ANKRD17: variants seen among roughly 807,000 people sequenced by gnomAD.
The protein encoded by ANKRD17 is ankyrin repeat domain-containing protein 17.
ANKRD17 carries 19 observed loss-of-function variants against 229.7 expected under a neutral mutation model. That is an observed-to-expected ratio of 0.08 (90% confidence interval 0.06 to 0.12). The LOEUF (loss-of-function observed/expected upper bound fraction) is 0.12. Among genes scored for constraint, ANKRD17 ranks in the 10% least tolerant of loss-of-function variants. ANKRD17 has a pLI of 1.00. For missense variants in ANKRD17, 2,176 were observed against 3,176.8 expected (o/e 0.68, Z 7.57); for synonymous variants, 1,112 against 1,146.1 (o/e 0.97, Z 0.60).
At chr4:73,116,499 C>A (rs1725974186) in intron 22 of ANKRD17, among the ~76,000 whole-genome samples, 1 of 152,150 alleles carries the variant, frequency 6.6e-6, no homozygotes, top group Admixed American at 6.5e-5. Context: ...TTGTCTAGCC[C>A]ATACTGTTGC....
intron 25 of ANKRD17, among the ~76,000 whole-genome samples, chr4:73,100,231 TG>T (rs926724481): frequency 5.3e-5 from 8 of 152,152 alleles, no homozygotes; most frequent in African/African-American, 1.9e-4. Context: ...ATACTCTTTG[TG>T]GGGAAGAGGG....
chr4:73,215,916 A>G (rs1054763649), intron 1 of ANKRD17, among the ~76,000 whole-genome samples: 3 of 152,192 alleles, frequency 2.0e-5, no homozygotes, highest in South Asian at 2.1e-4. Context: ...ATGACAGCAG[A>G]TATGATGGGC....
chr4:73,120,696 T>C (rs1726613997), intron 20 of ANKRD17, among the ~76,000 whole-genome samples, 185 bp downstream of exon 20: 1 of 152,052 alleles, frequency 6.6e-6, no homozygotes, highest in African/African-American at 2.4e-5. Context: ...CCTATAAAAA[T>C]TTATCACTCA....
In ANKRD17 at chr4:73,092,110, C is replaced by T. The variant is rs750848883; in HGVS notation, c.5518G>A (p.Val1840Ile). The T allele has an allele frequency of 6.2e-6, 10 of 1,614,052 alleles. No homozygotes were observed. In the Admixed American group the frequency reaches 6.7e-5, roughly 11 times the overall value. The change falls in exon 29 of 34, where the codon GTA (valine) becomes ATA (isoleucine). Residue 1840 changes from valine (V) to isoleucine (I), a missense_variant. Coordinates refer to ENST00000358602, the MANE Select transcript of ANKRD17 (RefSeq NM_032217.5). ...GTTTGAGATGTTGATGACAGAGCTA[C>T]AGTTGTCATTTTAATTCCCATTAAG... Reference protein sequence around the residue: ...TSLMGIKMTTVALSSTSQTAT... With the variant: ...TSLMGIKMTTIALSSTSQTAT...
chr4:73,226,213 G>GA (rs1216843682), intron 1 of ANKRD17, among the ~76,000 whole-genome samples: 1 of 151,706 alleles, frequency 6.6e-6, no homozygotes, highest in African/African-American at 2.4e-5. Context: ...CTGACCTAGT[G>GA]ATCTGCCTGC....
chr4:73,189,505 T>C (rs1029171804), intron 1 of ANKRD17, among the ~76,000 whole-genome samples: 1 of 151,680 alleles, frequency 6.6e-6, no homozygotes, highest in Non-Finnish European at 1.5e-5. Context: ...CAAGCTATTT[T>C]CCCACCTCAG....
intron 22 of ANKRD17, among the ~76,000 whole-genome samples, chr4:73,118,357 A>G (rs1726259564): frequency 6.6e-6 from 1 of 152,074 alleles, no homozygotes. Context: ...ACACTCACTA[A>G]GAGTAACTAA....
intron 3 of ANKRD17, among the ~76,000 whole-genome samples, chr4:73,157,506 T>C (rs914339219): frequency 2.0e-5 from 3 of 152,312 alleles, no homozygotes; most frequent in Admixed American, 6.5e-5. Context: ...CACTTTCGTA[T>C]AAAATAATCC....
chr4:73,258,345 GCCGCCACCTCCGCCTCCA>G lies in ANKRD17; in HGVS notation c.306_323del (p.Gly105_Gly110del). ...CGCTGTTGTTACTGCTGGTGCCGCC[GCCGCCACCTCCGCCTCCA>G]CCGCCGCCTCCACCGCCGCCGCTGT... On this transcript the variant is annotated inframe_deletion, in exon 1 of 34. Transcript: ENST00000358602. 1 of 1,612,334 alleles carries G rather than the reference GCCGCCACCTCCGCCTCCA, an allele frequency of 6.2e-7. No individual in the cohort carries two copies. Among genetic ancestry groups the G allele is most frequent in the Non-Finnish European group, 8.5e-7 (1 of 1,179,510 alleles).
chr4:73,242,642 T>C (rs1388586371), intron 1 of ANKRD17, among the ~76,000 whole-genome samples: 1 of 152,194 alleles, frequency 6.6e-6, no homozygotes, highest in African/African-American at 2.4e-5. Context: ...CCAAAACTCT[T>C]GAGAAAGAAG....
chr4:73,086,133 T>C (rs1380221558), intron 29 of ANKRD17, among the ~76,000 whole-genome samples: 1 of 152,220 alleles, frequency 6.6e-6, no homozygotes, highest in Non-Finnish European at 1.5e-5. Flanking sequence ...ATTAATGTTT[T>C]AGTTAAAAAG....
intron 6 of ANKRD17, among the ~76,000 whole-genome samples, chr4:73,152,060 T>C (rs1283743027): frequency 6.6e-6 from 1 of 152,020 alleles, no homozygotes; most frequent in Non-Finnish European, 1.5e-5. Context: ...AATATAAACA[T>C]GTACACACAT....
chr4:73,146,756 T>C lies in ANKRD17; in HGVS notation c.1869+8A>G, dbSNP rs746579420. ...AAATATTAAGATTTAAAAAGTAACA[T>C]AGCTTACCAGATCTGCGCCTGCCTG... is the stretch of plus-strand genomic sequence containing the variant. On this transcript the variant is annotated splice_region_variant and intron_variant, in intron 10 of 33. Transcript: ENST00000358602. The C allele has an allele frequency of 5.7e-6, 9 of 1,576,946 alleles. No individual in the cohort carries two copies. The highest frequency in any genetic ancestry group is 1.7e-4 in the Middle Eastern group (1 of 5,974).
chr4:73,258,722 A>T lies in ANKRD17; in HGVS notation c.-54T>A. On this transcript the variant is annotated 5_prime_UTR_variant, in exon 1 of 34. Coordinates refer to ENST00000358602, the MANE Select transcript of ANKRD17 (RefSeq NM_032217.5). ...GGGGAGGGGCGTGGGGCTACGCTCT[A>T]CCGCGACTTCGGCCGCACTGGGGCC... 1 of 1,376,676 alleles carries T rather than the reference A, an allele frequency of 7.3e-7. No homozygotes were observed. Among genetic ancestry groups the T allele is most frequent in the South Asian group, 1.6e-5 (1 of 61,560 alleles). 85.3% of individuals were successfully genotyped at this position (1,376,676 alleles called of 1,614,324 possible).
In ANKRD17 at chr4:73,125,074, G is replaced by A. The variant is rs1374646350; in HGVS notation, c.3347-16C>T. The A allele has an allele frequency of 1.2e-6, 2 of 1,613,878 alleles. No individual in the cohort carries two copies. The highest frequency in any genetic ancestry group is 1.7e-6 in the Non-Finnish European group (2 of 1,179,900). On this transcript the variant is annotated splice_polypyrimidine_tract_variant and intron_variant, in intron 17 of 33. Transcript: ENST00000358602. ...GGAGTAAAACCTGGAGAAAAATAAT[G>A]ATCTTCTCACTACATGCTAAGGCAA...
chr4:73,201,481 C>T (rs1029452559), intron 1 of ANKRD17, among the ~76,000 whole-genome samples: 6 of 150,916 alleles, frequency 4.0e-5, no homozygotes, highest in Admixed American at 6.6e-5. Flanking sequence ...GTAAACAGTG[C>T]GTGAGGAAAA....
intron 16 of ANKRD17, among the ~76,000 whole-genome samples, chr4:73,125,943 A>C (rs1217183511): frequency 6.6e-6 from 1 of 152,144 alleles, no homozygotes; most frequent in Non-Finnish European, 1.5e-5. Flanking sequence ...CCTATTTCAA[A>C]TAACTAAAAA....
chr4:73,225,973 C>CTTTTT (rs754977999), intron 1 of ANKRD17, among the ~76,000 whole-genome samples: 10 of 92,562 alleles, frequency 1.1e-4, no homozygotes, highest in East Asian at 3.5e-4. Flanking sequence ...GGCTCTTAAG[C>CTTTTT]TTTTTTTTTT....
chr4:73,095,269 T>C, intron 27 of ANKRD17, among the ~76,000 whole-genome samples: 1 of 151,964 alleles, frequency 6.6e-6, no homozygotes, highest in African/African-American at 2.4e-5. Context: ...AAATCTTTAA[T>C]AATGTCCGGA....
Sources: allele counts gnomAD v4.1 joint callset (sites outside exome capture counted in the v4.1 genomes callset), GRCh38; gene constraint gnomAD v4.1.1; transcripts MANE v1.5; gene names NCBI Gene and HGNC (gene_info 2026-07-23, HGNC 2026-07-21).